Variants in GNG2 observed in about 807,000 individuals in gnomAD.
GNG2 encodes guanine nucleotide-binding protein G(I)/G(S)/G(O) subunit gamma-2.
GNG2 carries 5 observed loss-of-function variants against 5.5 expected under a neutral mutation model. The ratio of observed to expected loss-of-function variants is 0.91; its 90% CI spans 0.48 to 1.92. The LOEUF is 1.92. GNG2 is among the 30% of genes most tolerant of loss of function. The pLI is 0.01. For missense variants in GNG2, 55 were observed against 88.4 expected, an observed-to-expected ratio of 0.62 and a Z score of 1.52; for synonymous variants, 28 against 32.0, an observed-to-expected ratio of 0.88 and a Z score of 0.42.
At chr14:51,885,939 A>G (rs968062670) in intron 2 of GNG2, among the ~76,000 whole-genome samples, 4 of 152,214 alleles carry the variant, frequency 2.6e-5, no homozygotes, top group African/African-American at 9.6e-5. Flanking sequence ...TCATGACAGA[A>G]AAAGCATCAC....
chr14:51,858,778 C>G (rs980160960), upstream of GNG2, among the ~76,000 whole-genome samples: 1 of 152,160 alleles, frequency 6.6e-6, no homozygotes, highest in Non-Finnish European at 1.5e-5. Flanking sequence ...GATTCATGCC[C>G]AATCCCTCTC....
At chr14:51,936,199 A>G (rs1313113509) in intron 2 of GNG2, among the ~76,000 whole-genome samples, 1 of 152,166 alleles carries the variant, frequency 6.6e-6, no homozygotes, top group East Asian at 1.9e-4. Context: ...CAGTGGTTAT[A>G]AAAGGGATTT....
At chr14:51,863,712 AC>A (rs1427364351) in intron 1 of GNG2, among the ~76,000 whole-genome samples, 1 of 151,828 alleles carries the variant, frequency 6.6e-6, no homozygotes, top group Non-Finnish European at 1.5e-5. Context: ...GCTCCTGGAA[AC>A]CCCCATTTTA....
At chr14:51,900,121 C>A (rs1029820921) in intron 2 of GNG2, among the ~76,000 whole-genome samples, 6 of 152,148 alleles carry the variant, frequency 3.9e-5, no homozygotes, top group Admixed American at 3.3e-4. Flanking sequence ...ATTTTACATT[C>A]CCCCCAACAG....
At chr14:51,918,803 A>T (rs1285438392) in intron 2 of GNG2, among the ~76,000 whole-genome samples, 4 of 152,134 alleles carry the variant, frequency 2.6e-5, no homozygotes, top group African/African-American at 9.7e-5. Flanking sequence ...ATCATCATCA[A>T]GGAAATAGAA....
chr14:51,942,022 C>A (rs1350544025), intron 2 of GNG2, among the ~76,000 whole-genome samples: 6 of 152,162 alleles, frequency 3.9e-5, no homozygotes, highest in African/African-American at 1.4e-4. Context: ...TTTTTGCTTA[C>A]TGGCAAATAT....
intron 2 of GNG2, among the ~76,000 whole-genome samples, chr14:51,839,811 C>T (rs1460257823): frequency 6.6e-6 from 1 of 152,060 alleles, no homozygotes; most frequent in Non-Finnish European, 1.5e-5. Context: ...AGATGTACCA[C>T]AACATTTTTA....
chr14:51,935,773 T>G (rs116772815), intron 2 of GNG2, among the ~76,000 whole-genome samples: 1 of 151,984 alleles, frequency 6.6e-6, no homozygotes, highest in East Asian at 1.9e-4. Context: ...TTTGGGGAGG[T>G]TGCAGGGAGC....
chr14:51,927,892 TGAG>T (rs1887424440), intron 2 of GNG2, among the ~76,000 whole-genome samples: 1 of 152,080 alleles, frequency 6.6e-6, no homozygotes, highest in South Asian at 2.1e-4. Flanking sequence ...GTTTGGCAAA[TGAG>T]AAGAAAACAT....
At chr14:51,831,642 T>C (rs1881193428) in intron 2 of GNG2, among the ~76,000 whole-genome samples, 1 of 152,236 alleles carries the variant, frequency 6.6e-6, no homozygotes, top group Non-Finnish European at 1.5e-5. Flanking sequence ...AGAAATTATC[T>C]GGCACTTTTT....
chr14:51,858,803 A>G (rs10133431), upstream of GNG2, among the ~76,000 whole-genome samples: 267 of 152,282 alleles, frequency 1.8e-3, no homozygotes, highest in African/African-American at 6.0e-3. Flanking sequence ...CTGCATTTCT[A>G]TCTGCTGGTG....
intron 3 of GNG2, among the ~76,000 whole-genome samples, chr14:51,966,209 CAAAAAAAAAAAAAAAA>C (rs34653524): frequency 3.6e-5 from 1 of 28,144 alleles, no homozygotes; most frequent in East Asian, 1.8e-3. Flanking sequence ...GACTGCATCT[CAAAAAAAAAAAAAAAA>C]AAAAAAAAAA....
At chr14:51,921,698 G>T (rs1297569786) in intron 2 of GNG2, among the ~76,000 whole-genome samples, 2 of 152,188 alleles carry the variant, frequency 1.3e-5, no homozygotes, top group African/African-American at 4.8e-5. Flanking sequence ...CAAAGCAGGA[G>T]AAATCAATGC....
chr14:51,954,010 T>C (rs1349509694), intron 3 of GNG2, among the ~76,000 whole-genome samples: 1 of 152,128 alleles, frequency 6.6e-6, no homozygotes, highest in Non-Finnish European at 1.5e-5. Context: ...ACAGCTGGAA[T>C]TGAAGTTGTT....
At chr14:51,882,540 C>A (rs1430283131) in intron 2 of GNG2, among the ~76,000 whole-genome samples, 2 of 152,154 alleles carry the variant, frequency 1.3e-5, no homozygotes, top group East Asian at 3.8e-4. Flanking sequence ...AGTTAAGATA[C>A]TAGTTGTTTA....
intron 2 of GNG2, chr14:51,841,414 C>A: frequency 1.8e-6 from 1 of 564,830 alleles, no homozygotes; most frequent in South Asian, 2.3e-5. Context: ...AACAAACAAA[C>A]AAAAAGCCTG....
intron 1 of GNG2, among the ~76,000 whole-genome samples, chr14:51,873,439 A>G (rs925662329): frequency 1.3e-5 from 2 of 152,226 alleles, no homozygotes; most frequent in Admixed American, 1.3e-4. Flanking sequence ...ATTAGCTTCA[A>G]TTTGCCTACT....
At chr14:51,833,212 C>T (rs1282089510) in intron 2 of GNG2, among the ~76,000 whole-genome samples, 2 of 152,140 alleles carry the variant, frequency 1.3e-5, no homozygotes, top group African/African-American at 4.8e-5. Flanking sequence ...GGAGTCAGTA[C>T]CAGTGAGAAT....
At chr14:51,911,102 G>A (rs935710166) in intron 2 of GNG2, among the ~76,000 whole-genome samples, 1 of 152,174 alleles carries the variant, frequency 6.6e-6, no homozygotes, top group Non-Finnish European at 1.5e-5. Context: ...GCGGGTGAGA[G>A]GGGAGTGTGG....
Sources: gnomAD v4.1 joint callset for allele counts (sites outside exome capture counted in the v4.1 genomes callset) on GRCh38, gnomAD v4.1.1 for gene constraint, MANE v1.5 for transcripts, NCBI Gene and HGNC (gene_info 2026-07-23, HGNC 2026-07-21) for gene names.